CDC26: variants seen among roughly 807,000 people sequenced by gnomAD.
The protein encoded by CDC26 is cell division cycle 26.
CDC26 carries 2 observed loss-of-function variants against 8.0 expected under a neutral mutation model. That is an observed-to-expected ratio of 0.25 (90% CI 0.10 to 0.79). CDC26 has a LOEUF of 0.79. CDC26 is among the 30% of genes least tolerant of loss of function. CDC26 has a pLI of 0.70. For synonymous variants in CDC26, 19 were observed against 34.9 expected (o/e 0.55, Z 1.60); for missense variants, 68 against 106.0 (o/e 0.64, Z 1.57).
chr9:113,269,500 T>C (rs1831920549), intron 3 of CDC26, among the ~76,000 whole-genome samples: 1 of 152,090 alleles, frequency 6.6e-6, no homozygotes, highest in Non-Finnish European at 1.5e-5. Flanking sequence ...ATCAAACTCA[T>C]GTTGGTAATA....
intron 2 of CDC26, among the ~76,000 whole-genome samples, chr9:113,272,940 C>T (rs542543143): frequency 9.2e-5 from 14 of 152,316 alleles, no homozygotes; most frequent in Admixed American, 8.5e-4. Flanking sequence ...GTTCCTCCCT[C>T]CTCATTTTCC....
chr9:113,272,323 C>A (rs1588002980), intron 3 of CDC26, 104 bp downstream of exon 3: 1 of 826,980 alleles, frequency 1.2e-6, no homozygotes, highest in East Asian at 2.5e-5. Flanking sequence ...GAGGCTGAGG[C>A]AGAGGAGGCA....
rs1318768396 is a variant in CDC26 at position 113,275,542 on chromosome 9, C to G, written c.-312G>C. On this transcript the variant is annotated 5_prime_UTR_variant, in exon 1 of 4. Coordinates refer to ENST00000374206, the MANE Select transcript of CDC26 (RefSeq NM_139286.4). ...TTCCTGGAGGTTCTAGGAGGGATGC[C>G]CCTCAATGCCACGACGCCATTTCCT... 1 of 544,234 alleles carries G rather than the reference C, an allele frequency of 1.8e-6. No homozygotes were observed. The highest frequency in any genetic ancestry group is 3.3e-6 in the Non-Finnish European group (1 of 306,938). 33.7% of individuals were successfully genotyped at this position (544,234 alleles called of 1,614,324 possible). A position where few individuals can be genotyped will look rare whatever the true frequency, so the allele number is the denominator to read the frequency against.
intron 3 of CDC26, among the ~76,000 whole-genome samples, chr9:113,268,758 A>AT (rs35653672): frequency 4.7e-4 from 70 of 147,542 alleles, no homozygotes; most frequent in East Asian, 7.9e-4. Flanking sequence ...TGTCTCCACA[A>AT]TTTTTTTTTT....
At chr9:113,272,115 A>T (rs912708706) in intron 3 of CDC26, among the ~76,000 whole-genome samples, 1 of 152,202 alleles carries the variant, frequency 6.6e-6, no homozygotes, top group Admixed American at 6.5e-5. Flanking sequence ...ATATTCCTTA[A>T]GCTTTGAAAG....
At chr9:113,272,302 C>T (rs1342512667) in intron 3 of CDC26, 125 bp downstream of exon 3, 2 of 712,732 alleles carry the variant, frequency 2.8e-6, no homozygotes, top group African/African-American at 1.8e-5. Flanking sequence ...ACCTGTGGTC[C>T]CAGCACGCGG....
At chr9:113,273,998 C>T (rs922228698) in intron 1 of CDC26, among the ~76,000 whole-genome samples, 2 of 152,088 alleles carry the variant, frequency 1.3e-5, no homozygotes, top group African/African-American at 4.8e-5. Context: ...CACAGCATCC[C>T]CTAGAGTGTA....
At chr9:113,271,326 A>T (rs1293615176) in intron 3 of CDC26, among the ~76,000 whole-genome samples, 1 of 152,176 alleles carries the variant, frequency 6.6e-6, no homozygotes. Context: ...GAACCTATAA[A>T]TGCCTTATAT....
Position 113,271,949 on chromosome 9 carries a change from C to T in CDC26, c.81+478G>A, listed in dbSNP as rs1002758385. Among the ~76,000 whole-genome samples the T allele has an allele frequency of 5.9e-5, 9 of 152,088 alleles. No individual in the cohort carries two copies. In the East Asian group the frequency reaches 1.5e-3, roughly 26 times the overall value. On this transcript the variant is annotated intron_variant, in intron 3 of 3. Transcript: ENST00000374206. ...AACTCCTGGGCTCAAGCAATCCTCC[C>T]GCCTCCGCCTCCTGAGTAGCTCAGG... is the stretch of plus-strand genomic sequence containing the variant.
intron 3 of CDC26, 130 bp from the exon 4 acceptor site, chr9:113,267,569 T>TTGCG: frequency 3.2e-6 from 4 of 1,244,394 alleles, no homozygotes; most frequent in Non-Finnish European, 4.5e-6. Flanking sequence ...TAAACTGAAA[T>TTGCG]CCTAGGTTTG....
intron 3 of CDC26, among the ~76,000 whole-genome samples, chr9:113,270,472 T>C (rs957728749): frequency 1.3e-5 from 2 of 150,086 alleles, no homozygotes; most frequent in African/African-American, 5.0e-5. Flanking sequence ...ATGTAAATGA[T>C]TTTACAATAA....
chr9:113,272,689 G>A (rs80339628), intron 2 of CDC26, 141 bp from the exon 3 acceptor site: 1 of 399,088 alleles, frequency 2.5e-6, no homozygotes, highest in South Asian at 2.4e-5. Flanking sequence ...GACTTCTAAA[G>A]TCTTTTTTTT....
intron 1 of CDC26, 24 bp from the exon 2 acceptor site, chr9:113,273,462 C>G (rs1023800137): frequency 2.0e-5 from 3 of 152,194 alleles, no homozygotes; most frequent in African/African-American, 7.2e-5. Context: ...AAAGAGAAAA[C>G]TGTGATATCA....
At chr9:113,269,317 C>A (rs377587956) in intron 3 of CDC26, among the ~76,000 whole-genome samples, 4 of 152,198 alleles carry the variant, frequency 2.6e-5, no homozygotes, top group South Asian at 2.1e-4. Context: ...AAATGACCTT[C>A]CTGATTACTA....
At chr9:113,272,584 G>A in intron 2 of CDC26, 36 bp from the exon 3 acceptor site, 1 of 1,020,956 alleles carries the variant, frequency 9.8e-7, no homozygotes, top group Non-Finnish European at 1.6e-6. Flanking sequence ...AAATCTGAAG[G>A]TGATAAAGTC....
chr9:113,271,877 G>A (rs2118552228), intron 3 of CDC26, among the ~76,000 whole-genome samples: 1 of 152,236 alleles, frequency 6.6e-6, no homozygotes, highest in South Asian at 2.1e-4. Context: ...TCTCACTGTT[G>A]CCCAGTGTGG....
intron 1 of CDC26, 85 bp downstream of exon 1, chr9:113,275,297 G>A: frequency 6.3e-6 from 1 of 159,582 alleles, no homozygotes; most frequent in East Asian, 1.8e-4. Context: ...AAACGCCCCC[G>A]TACGCCCGGG....
intron 3 of CDC26, among the ~76,000 whole-genome samples, chr9:113,271,132 A>G (rs1831950065): frequency 6.6e-6 from 1 of 152,240 alleles, no homozygotes; most frequent in Non-Finnish European, 1.5e-5. Flanking sequence ...GGGAGGACTC[A>G]GGAATGACTG....
intron 3 of CDC26, 140 bp downstream of exon 3, chr9:113,272,287 C>T (rs1831971095): frequency 1.1e-5 from 7 of 661,874 alleles, no homozygotes; most frequent in Middle Eastern, 4.2e-4. Context: ...GGCGTGCTGG[C>T]ATGAACCTGT....
Sources: allele counts gnomAD v4.1 joint callset (sites outside exome capture counted in the v4.1 genomes callset), GRCh38; gene constraint gnomAD v4.1.1; transcripts MANE v1.5; gene names NCBI Gene and HGNC (gene_info 2026-07-23, HGNC 2026-07-21).